The following NWD2 variants were observed in gnomAD, a reference collection of about 807,000 sequenced individuals.
NWD2 encodes the protein NACHT and WD repeat domain-containing protein 2.
NWD2 carries 37 observed loss-of-function variants against 132.7 expected under a neutral mutation model. The ratio of observed to expected loss-of-function variants is 0.28; its 90% CI spans 0.21 to 0.37. The LOEUF is 0.37. NWD2 is among the 10% of genes least tolerant of loss of function. The pLI is 1.00. For missense variants in NWD2, 1,592 were observed against 2,122.4 expected, an observed-to-expected ratio of 0.75 and a Z score of 4.91; for synonymous variants, 705 against 803.0, an observed-to-expected ratio of 0.88 and a Z score of 2.06.
At chr4:37,333,568 C>A (rs949506693) in intron 2 of NWD2, among the ~76,000 whole-genome samples, 4 of 152,084 alleles carry the variant, frequency 2.6e-5, no homozygotes, top group African/African-American at 9.7e-5. Context: ...GATCACAAAC[C>A]CAAGTCCCTT....
chr4:37,447,126 A>C lies in NWD2; in HGVS notation c.5138A>C (p.Glu1713Ala). 6.4e-7 allele frequency: 1 copy of C among 1,551,506 alleles called. No homozygotes were observed. The highest frequency in any genetic ancestry group is 8.7e-7 in the Non-Finnish European group (1 of 1,146,994). Residue 1713 changes from glutamate (E) to alanine (A), a missense_variant, in exon 7 of 7, where the codon GAA becomes GCA. Physicochemically the swap from Glu to Ala is moderately radical, Grantham distance 107. Transcript: ENST00000309447. The part of the protein sequence containing the change: ...ITVSDSTESN[E>A]ATPSKKHNSC... ...GTTAGTGACTCTACTGAGTCCAATG[A>C]AGCAACACCCTCCAAGAAACACAAC...
chr4:37,348,989 A>G (rs1719706615), intron 2 of NWD2, among the ~76,000 whole-genome samples: 1 of 151,918 alleles, frequency 6.6e-6, no homozygotes, highest in South Asian at 2.1e-4. Context: ...AGCTTCATCC[A>G]TGTCCCTGCA....
intron 1 of NWD2, among the ~76,000 whole-genome samples, chr4:37,246,592 G>GA (rs888408426): frequency 1.1e-4 from 17 of 151,732 alleles, no homozygotes; most frequent in Non-Finnish European, 2.1e-4. Context: ...TGGATTTAAA[G>GA]AAAAAAAATG....
intron 2 of NWD2, among the ~76,000 whole-genome samples, chr4:37,354,477 G>A (rs943358842): frequency 2.0e-5 from 3 of 152,196 alleles, no homozygotes. Context: ...TCTGTCCCAG[G>A]GAGGTGGGAG....
At chr4:37,249,076 A>G (rs893305578) in intron 1 of NWD2, among the ~76,000 whole-genome samples, 1 of 152,244 alleles carries the variant, frequency 6.6e-6, no homozygotes, top group African/African-American at 2.4e-5. Context: ...GCTATTGAGC[A>G]TTTGAAATGT....
Position 37,444,731 on chromosome 4 carries a change from C to T in NWD2, c.2743C>T (p.Gln915Ter), listed in dbSNP as rs1313183251. 6.4e-7 allele frequency: 1 copy of T among 1,551,870 alleles called. No individual in the cohort carries two copies. Among genetic ancestry groups the T allele is most frequent in the Non-Finnish European group, 8.7e-7 (1 of 1,147,080 alleles). Residue 915 changes from glutamine to a stop codon, truncating the protein, a stop_gained, in exon 7 of 7, where the codon CAG becomes TAG. Coordinates refer to ENST00000309447, the MANE Select transcript of NWD2 (RefSeq NM_001144990.2). LOFTEE classifies it high-confidence loss of function. The surrounding 1 kb of genome is among the most constrained non-coding windows in gnomAD (Gnocchi z 4.8). Reference protein sequence around the residue: ...AFPGSLSAELQQRLLPVVSSL... With the variant: ...AFPGSLSAEL ...TCCCGGCTCCCTTTCAGCAGAGCTTCAGCAAAGACTGCTGCCTGTTGTAAG... is the reference window on the plus strand; with the variant it reads ...TCCCGGCTCCCTTTCAGCAGAGCTTTAGCAAAGACTGCTGCCTGTTGTAAG...
intron 1 of NWD2, among the ~76,000 whole-genome samples, chr4:37,317,581 G>A (rs1393148672): frequency 6.6e-6 from 1 of 152,182 alleles, no homozygotes; most frequent in African/African-American, 2.4e-5. Context: ...AGGGATAGGA[G>A]AAGGCAAGAA....
intron 3 of NWD2, among the ~76,000 whole-genome samples, chr4:37,364,744 T>TAGC (rs1227376061): frequency 6.7e-6 from 1 of 150,096 alleles, no homozygotes; most frequent in Non-Finnish European, 1.5e-5. Flanking sequence ...GTGGCACAGC[T>TAGC]AGCAGGGAAC....
chr4:37,318,794 G>A (rs909144853), intron 1 of NWD2, among the ~76,000 whole-genome samples: 34 of 152,046 alleles, frequency 2.2e-4, no homozygotes, highest in African/African-American at 8.0e-4. Context: ...CCATGTTGCT[G>A]CAAAGGACAT....
At chr4:37,305,328 A>C (rs62301442) in intron 1 of NWD2, among the ~76,000 whole-genome samples, 13 of 152,092 alleles carry the variant, frequency 8.5e-5, no homozygotes, top group Non-Finnish European at 1.3e-4. Context: ...CATTTTTGCC[A>C]TTGTCTTGCT....
At chr4:37,318,020 CTT>C (rs71185128) in intron 1 of NWD2, among the ~76,000 whole-genome samples, 72 of 113,306 alleles carry the variant, frequency 6.4e-4, no homozygotes, top group Middle Eastern at 4.6e-3. Context: ...TTTTTTCTTT[CTT>C]TTTTTTTTTT....
At chr4:37,403,392 A>G (rs1396745636) in intron 3 of NWD2, among the ~76,000 whole-genome samples, 2 of 152,220 alleles carry the variant, frequency 1.3e-5, no homozygotes, top group Non-Finnish European at 2.9e-5. Context: ...TGAAGGGTCC[A>G]GAATAATTAA....
At chr4:37,300,818 C>T (rs1353168059) in intron 1 of NWD2, among the ~76,000 whole-genome samples, 1 of 152,046 alleles carries the variant, frequency 6.6e-6, no homozygotes, top group African/African-American at 2.4e-5. Context: ...TAATTCTCAT[C>T]ACTCCTGATT....
chr4:37,386,226 T>TA (rs1465301550), intron 3 of NWD2, among the ~76,000 whole-genome samples: 2 of 151,772 alleles, frequency 1.3e-5, no homozygotes, highest in African/African-American at 2.4e-5. Flanking sequence ...TCTAGAAGAA[T>TA]AAAAAAAGCA....
chr4:37,251,220 A>C (rs1010104568), intron 1 of NWD2, among the ~76,000 whole-genome samples: 5 of 152,222 alleles, frequency 3.3e-5, no homozygotes, highest in Non-Finnish European at 5.9e-5. Context: ...CAGAGGCAGC[A>C]GTGAGCTGAG....
chr4:37,298,309 T>G (rs1176792591), intron 1 of NWD2, among the ~76,000 whole-genome samples: 2 of 152,156 alleles, frequency 1.3e-5, no homozygotes, highest in African/African-American at 2.4e-5. Context: ...TTCTAAGTCT[T>G]TGCCATGTCT....
rs1010233754 is a variant in NWD2, at chr4:37,445,428, T to G, written c.3440T>G (p.Phe1147Cys). The G allele has an allele frequency of 1.3e-6, 2 of 1,551,774 alleles. No homozygotes were observed. Among genetic ancestry groups the G allele is most frequent in the African/African-American group, 2.7e-5 (2 of 73,050 alleles). Reference sequence around the variant, plus strand: ...GAATTTTCAGGTGGATTTGTGAAGTTTCTTCTTATCTTGGACACAGCTCAG... The same window carrying G: ...GAATTTTCAGGTGGATTTGTGAAGTGTCTTCTTATCTTGGACACAGCTCAG... Reference protein sequence around the residue: ...TSEFSGGFVKFLLILDTAQEM... With the variant: ...TSEFSGGFVKCLLILDTAQEM... Residue 1147 changes from phenylalanine to cysteine, a missense_variant, in exon 7 of 7, where the codon TTT becomes TGT. Physicochemically the swap from Phe to Cys is radical, Grantham distance 205. Transcript: ENST00000309447. This position sits in a 1 kb window ranked among gnomAD's most constrained non-coding sequence, Gnocchi z 4.7.
At chr4:37,248,596 G>C (rs1479630219) in intron 1 of NWD2, among the ~76,000 whole-genome samples, 2 of 152,182 alleles carry the variant, frequency 1.3e-5, no homozygotes, top group African/African-American at 4.8e-5. Flanking sequence ...TGCCAGAACA[G>C]CACTTATAGC....
intron 3 of NWD2, among the ~76,000 whole-genome samples, chr4:37,406,212 T>C (rs1228026941): frequency 6.6e-6 from 1 of 152,220 alleles, no homozygotes; most frequent in African/African-American, 2.4e-5. Flanking sequence ...TAGAAAATCA[T>C]TGTCTTGCAA....
Sources: gnomAD v4.1 joint callset for allele counts (sites outside exome capture counted in the v4.1 genomes callset) on GRCh38, gnomAD v4.1.1 for gene constraint, Gnocchi (gnomAD v3.1) non-coding constraint, MANE v1.5 for transcripts, NCBI Gene and HGNC (gene_info 2026-07-23, HGNC 2026-07-21) for gene names.